Variants in CLSTN2 observed in about 807,000 individuals in gnomAD.
CLSTN2 encodes calsyntenin-2.
In CLSTN2, 48 loss-of-function variants were observed where a neutral mutation model predicts 101.2. That is an observed-to-expected ratio of 0.47 (90% CI 0.38 to 0.60). CLSTN2 has a LOEUF of 0.60. Among genes scored for constraint, CLSTN2 ranks in the 20% least tolerant of loss-of-function variants. The pLI, the probability that CLSTN2 is intolerant of heterozygous loss-of-function variation, is 0.00. For synonymous variants in CLSTN2, 481 were observed against 463.6 expected, an observed-to-expected ratio of 1.04 and a Z score of -0.48; for missense variants, 1,160 against 1,238.2, an observed-to-expected ratio of 0.94 and a Z score of 0.95.
chr3:140,403,608 C>T (rs2088268475), intron 2 of CLSTN2, 21 bp from the exon 3 acceptor site: 1 of 1,582,972 alleles, frequency 6.3e-7, no homozygotes, highest in African/African-American at 1.3e-5. Flanking sequence ...TTCCCACTCA[C>T]TGTTTTCCAT....
At chr3:140,437,207 C>A (rs911998997) in intron 5 of CLSTN2, among the ~76,000 whole-genome samples, 1 of 152,096 alleles carries the variant, frequency 6.6e-6, no homozygotes, top group Non-Finnish European at 1.5e-5. Flanking sequence ...CACCACCATG[C>A]CCAGCTAATG....
intron 2 of CLSTN2, among the ~76,000 whole-genome samples, chr3:140,225,724 C>T (rs2086313226): frequency 6.6e-6 from 1 of 152,046 alleles, no homozygotes; most frequent in South Asian, 2.1e-4. Flanking sequence ...ACTCAATCTC[C>T]TGACCTCATC....
intron 1 of CLSTN2, among the ~76,000 whole-genome samples, chr3:140,165,981 G>A (rs1187074586): frequency 1.3e-5 from 2 of 152,106 alleles, no homozygotes; most frequent in East Asian, 1.9e-4. Context: ...GAAAACAGGA[G>A]TGGAGAGGTG....
At chr3:140,358,235 T>TTCTGGACATCTGTCCAGAAAG (rs2087694397) in intron 2 of CLSTN2, among the ~76,000 whole-genome samples, 1 of 152,038 alleles carries the variant, frequency 6.6e-6, no homozygotes, top group Non-Finnish European at 1.5e-5. Flanking sequence ...TTGGGAAAAC[T>TTCTGGACATCTGTCCAGAAAG]TTCTGGAAGC....
At chr3:140,420,209 T>G (rs1234371193) in intron 4 of CLSTN2, among the ~76,000 whole-genome samples, 1 of 152,012 alleles carries the variant, frequency 6.6e-6, no homozygotes, top group Non-Finnish European at 1.5e-5. Context: ...TGTTCATTTG[T>G]TTTTTAATTT....
At chr3:140,011,961 A>C (rs1230958123) in intron 1 of CLSTN2, among the ~76,000 whole-genome samples, 1 of 152,094 alleles carries the variant, frequency 6.6e-6, no homozygotes, top group Non-Finnish European at 1.5e-5. Context: ...AGGCCATTGC[A>C]ATACTTCACT....
At chr3:140,198,340 T>C (rs1209524329) in intron 2 of CLSTN2, among the ~76,000 whole-genome samples, 1 of 152,200 alleles carries the variant, frequency 6.6e-6, no homozygotes, top group African/African-American at 2.4e-5. Context: ...CTTAAAATAA[T>C]ACCCATTTGT....
At chr3:140,188,211 T>C (rs2010509330) in intron 2 of CLSTN2, among the ~76,000 whole-genome samples, 1 of 152,240 alleles carries the variant, frequency 6.6e-6, no homozygotes, top group Non-Finnish European at 1.5e-5. Context: ...TCACCTTCTA[T>C]GCTTTGGCGT....
At chr3:139,989,719 G>A (rs1170090333) in intron 1 of CLSTN2, among the ~76,000 whole-genome samples, 1 of 152,170 alleles carries the variant, frequency 6.6e-6, no homozygotes, top group Admixed American at 6.5e-5. Context: ...CAAATGGCAA[G>A]CACCTCTACC....
chr3:139,991,556 T>C (rs1936114748), intron 1 of CLSTN2, among the ~76,000 whole-genome samples: 1 of 152,242 alleles, frequency 6.6e-6, no homozygotes, highest in African/African-American at 2.4e-5. Context: ...TGATGTTAAA[T>C]TGCACTTTTA....
At chr3:140,469,190 G>T (rs1933778254) in intron 8 of CLSTN2, among the ~76,000 whole-genome samples, 1 of 152,184 alleles carries the variant, frequency 6.6e-6, no homozygotes, top group South Asian at 2.1e-4. Flanking sequence ...TATATTGGGG[G>T]TTAGGTTTTC....
At chr3:140,247,542 C>G (rs899782342) in intron 2 of CLSTN2, among the ~76,000 whole-genome samples, 1 of 152,160 alleles carries the variant, frequency 6.6e-6, no homozygotes, top group Non-Finnish European at 1.5e-5. Flanking sequence ...AAAAACCAAG[C>G]GTGAGAGCAG....
intron 2 of CLSTN2, among the ~76,000 whole-genome samples, chr3:140,299,439 A>G (rs138415570): frequency 1.3e-5 from 2 of 152,232 alleles, no homozygotes; most frequent in Non-Finnish European, 2.9e-5. Context: ...CATATACTGT[A>G]TGTATCTACA....
rs796989385 is a variant in CLSTN2, at chr3:140,566,297, C to T, written c.*44C>T. ...CTGGCCCACATGTCCCTTTTGTAAA[C>T]CCTGACCCAGTGTATGCCCATGTCT... On this transcript the variant is annotated 3_prime_UTR_variant, in exon 17 of 17. Coordinates refer to ENST00000458420, the MANE Select transcript of CLSTN2 (RefSeq NM_022131.3). 18 of 1,531,618 alleles carry T rather than the reference C, an allele frequency of 1.2e-5. No homozygotes were observed. In the African/African-American group the frequency reaches 2.3e-4, roughly 20 times the overall value. 94.9% of individuals were successfully genotyped at this position (1,531,618 alleles called of 1,614,324 possible).
At chr3:140,182,603 G>T (rs904903153) in intron 2 of CLSTN2, among the ~76,000 whole-genome samples, 1 of 152,192 alleles carries the variant, frequency 6.6e-6, no homozygotes, top group Non-Finnish European at 1.5e-5. Flanking sequence ...AGAAGGCAGG[G>T]TGTCCCCTGG....
In CLSTN2 at chr3:140,531,475, C is replaced by T. The variant is rs188289583; in HGVS notation, c.1345-849C>T. On this transcript the variant is annotated intron_variant, in intron 8 of 16. Coordinates refer to ENST00000458420, the MANE Select transcript of CLSTN2 (RefSeq NM_022131.3). Reference sequence around the variant, plus strand: ...ACCTTGGGGTCACCTTCATTCAGAACTCATCTGTCTCCTCTGCCACAGATG... The same window carrying T: ...ACCTTGGGGTCACCTTCATTCAGAATTCATCTGTCTCCTCTGCCACAGATG... Among the ~76,000 whole-genome samples, 3 of 152,294 alleles carry T rather than the reference C, an allele frequency of 2.0e-5. No individual in the cohort carries two copies. In the East Asian group the frequency reaches 5.8e-4, roughly 29 times the overall value.
chr3:140,367,554 T>G (rs1450138556), intron 2 of CLSTN2, among the ~76,000 whole-genome samples: 1 of 149,898 alleles, frequency 6.7e-6, no homozygotes, highest in Non-Finnish European at 1.5e-5. Flanking sequence ...AGAATTCAGC[T>G]ACAGGGAAAT....
chr3:140,090,028 G>A (rs1310339061), intron 1 of CLSTN2, among the ~76,000 whole-genome samples: 1 of 140,938 alleles, frequency 7.1e-6, no homozygotes, highest in Non-Finnish European at 1.5e-5. Flanking sequence ...TTGGTTTTAG[G>A]GTGAGGGGGC....
At chr3:140,536,200 G>C (rs1195465898) in intron 9 of CLSTN2, among the ~76,000 whole-genome samples, 1 of 151,704 alleles carries the variant, frequency 6.6e-6, no homozygotes, top group Non-Finnish European at 1.5e-5. Flanking sequence ...TAACTTCCTG[G>C]AGCTTGTATT....
Sources: gnomAD v4.1 joint callset for allele counts (sites outside exome capture counted in the v4.1 genomes callset) on GRCh38, gnomAD v4.1.1 for gene constraint, MANE v1.5 for transcripts, NCBI Gene and HGNC (gene_info 2026-07-23, HGNC 2026-07-21) for gene names.